ST6GALNAC3: variants seen among roughly 807,000 people sequenced by gnomAD.
ST6GALNAC3 encodes the protein alpha-N-acetylgalactosaminide alpha-2,6-sialyltransferase 3.
In ST6GALNAC3, 25 loss-of-function variants were observed where a neutral mutation model predicts 32.7. That is an observed-to-expected ratio of 0.76 (90% CI 0.56 to 1.07). The LOEUF is 1.07. Among genes scored for constraint, ST6GALNAC3 ranks in the 50% least tolerant of loss-of-function variants. The pLI is 0.00. For missense variants in ST6GALNAC3, 355 were observed against 382.4 expected (o/e 0.93, Z 0.60); for synonymous variants, 129 against 133.1 (o/e 0.97, Z 0.21).
intron 3 of ST6GALNAC3, among the ~76,000 whole-genome samples, chr1:76,525,522 G>A (rs1662809089): frequency 6.6e-6 from 1 of 151,558 alleles, no homozygotes; most frequent in Admixed American, 6.6e-5. Flanking sequence ...ATTATCTCAT[G>A]AGCCCATGAA....
intron 3 of ST6GALNAC3, among the ~76,000 whole-genome samples, chr1:76,564,490 A>C (rs922158561): frequency 7.9e-5 from 12 of 152,128 alleles, no homozygotes; most frequent in African/African-American, 1.2e-4. Context: ...TTCAATGCTA[A>C]ATTAGTGGTG....
At chr1:76,337,452 G>A (rs887111615) in intron 2 of ST6GALNAC3, among the ~76,000 whole-genome samples, 2 of 152,152 alleles carry the variant, frequency 1.3e-5, no homozygotes, top group African/African-American at 2.4e-5. Context: ...ACAAACTTCT[G>A]TGTGTGTGAG....
At chr1:76,112,402 G>T (rs951429838) in intron 1 of ST6GALNAC3, among the ~76,000 whole-genome samples, 2 of 145,952 alleles carry the variant, frequency 1.4e-5, no homozygotes, top group Non-Finnish European at 3.0e-5. Flanking sequence ...CGGACTGGGC[G>T]GCTGGCCGGG....
At chr1:76,500,608 G>A (rs6660107) in intron 3 of ST6GALNAC3, among the ~76,000 whole-genome samples, 12,313 of 152,176 alleles carry the variant, frequency 0.081, 895 homozygotes, top group African/African-American at 0.19. Context: ...TTTAATCAAT[G>A]TCACAGGTGA....
intron 3 of ST6GALNAC3, among the ~76,000 whole-genome samples, chr1:76,583,355 T>C (rs1436271077): frequency 2.0e-5 from 3 of 152,186 alleles, no homozygotes; most frequent in Non-Finnish European, 4.4e-5. Flanking sequence ...CCAGGAAGAA[T>C]ATTCCACTGG....
intron 2 of ST6GALNAC3, among the ~76,000 whole-genome samples, chr1:76,410,201 T>G (rs899725139): frequency 2.0e-5 from 3 of 152,178 alleles, no homozygotes; most frequent in African/African-American, 7.2e-5. Context: ...CCCTGCTATC[T>G]GTCTGGCCTC....
At position 76,430,345 on chromosome 1, in the gene ST6GALNAC3, T is replaced by C. The variant is rs370604740; in HGVS notation, c.623+17928T>C. ...ATGGTTCTTCATTGCCTTTAGTTTCTTTTATCTGGCATTCTTGTCCCTCAA... is the reference window on the plus strand; with the variant it reads ...ATGGTTCTTCATTGCCTTTAGTTTCCTTTATCTGGCATTCTTGTCCCTCAA... On this transcript the variant is annotated intron_variant, in intron 3 of 4. Transcript: ENST00000328299. 5.9e-5 allele frequency among the ~76,000 whole-genome samples: 9 copies of C among 152,334 alleles called. No homozygotes were observed. In the South Asian group the frequency reaches 8.3e-4, roughly 14 times the overall value.
chr1:76,394,531 T>C (rs61771516), intron 2 of ST6GALNAC3, among the ~76,000 whole-genome samples: 6,596 of 152,268 alleles, frequency 0.043, 205 homozygotes, highest in African/African-American at 0.081. Flanking sequence ...GGCCACTATA[T>C]GATAAATTTC....
chr1:76,131,704 C>T (rs1454220588), intron 1 of ST6GALNAC3, among the ~76,000 whole-genome samples: 1 of 152,176 alleles, frequency 6.6e-6, no homozygotes, highest in Non-Finnish European at 1.5e-5. Flanking sequence ...TTGTTTGATG[C>T]ACTCCTGCTT....
At position 76,237,797 on chromosome 1, in the gene ST6GALNAC3, A is replaced by G. The variant is rs191332339; in HGVS notation, c.19-76008A>G. Reference sequence around the variant, plus strand: ...AGTGTCATGTGGAAAGTTTTGTTAAACACCTATCATGTGCAAAAAATGAAT... The same window carrying G: ...AGTGTCATGTGGAAAGTTTTGTTAAGCACCTATCATGTGCAAAAAATGAAT... On this transcript the variant is annotated intron_variant, in intron 1 of 4. Transcript: ENST00000328299. Among the ~76,000 whole-genome samples, 135 of 152,320 alleles carry G rather than the reference A, an allele frequency of 8.9e-4. 1 individual carries two copies. Among genetic ancestry groups the G allele is most frequent in the Middle Eastern group, 6.8e-3 (2 of 294 alleles).
At chr1:76,343,162 G>A (rs577418730) in intron 2 of ST6GALNAC3, among the ~76,000 whole-genome samples, 11 of 152,174 alleles carry the variant, frequency 7.2e-5, no homozygotes, top group East Asian at 3.9e-4. Flanking sequence ...CCAATGTCTA[G>A]CAGAGTATTT....
intron 1 of ST6GALNAC3, among the ~76,000 whole-genome samples, chr1:76,282,001 G>A (rs139852821): frequency 1.2e-3 from 184 of 152,252 alleles, no homozygotes; most frequent in Admixed American, 1.9e-3. Flanking sequence ...AAATGGAGAA[G>A]GTGGGATGCA....
At chr1:76,083,169 A>G (rs368024216) in intron 1 of ST6GALNAC3, among the ~76,000 whole-genome samples, 42 of 152,242 alleles carry the variant, frequency 2.8e-4, no homozygotes, top group African/African-American at 9.2e-4. Context: ...TAAAATGTGT[A>G]TATTCTGGGT....
intron 3 of ST6GALNAC3, among the ~76,000 whole-genome samples, chr1:76,463,363 C>T (rs970638066): frequency 6.6e-6 from 1 of 152,146 alleles, no homozygotes; most frequent in Non-Finnish European, 1.5e-5. Context: ...CTGTGGAATG[C>T]ATTCATGTGC....
chr1:76,524,285 G>A (rs184432477), intron 3 of ST6GALNAC3, among the ~76,000 whole-genome samples: 3 of 152,242 alleles, frequency 2.0e-5, no homozygotes, highest in Admixed American at 2.0e-4. Flanking sequence ...AGTAATTTGA[G>A]AGGGAAGATA....
At chr1:76,614,718 C>CAAAAAA (rs55744575) in intron 3 of ST6GALNAC3, among the ~76,000 whole-genome samples, 2 of 67,522 alleles carry the variant, frequency 3.0e-5, no homozygotes, top group African/African-American at 1.4e-4. Flanking sequence ...GACTCCATCT[C>CAAAAAA]AAAAAAAAAA....
chr1:76,563,418 G>A (rs375122516), intron 3 of ST6GALNAC3, among the ~76,000 whole-genome samples: 4 of 152,242 alleles, frequency 2.6e-5, no homozygotes, highest in South Asian at 2.1e-4. Flanking sequence ...AAGAAGTCAC[G>A]CTCATTGCTT....
intron 3 of ST6GALNAC3, among the ~76,000 whole-genome samples, chr1:76,425,514 TGTCA>T (rs572538751): frequency 2.2e-4 from 34 of 152,024 alleles, no homozygotes; most frequent in African/African-American, 7.7e-4. Context: ...GCTAAGTAGG[TGTCA>T]GTCATTGTTC....
At chr1:76,448,069 G>A (rs1402717283) in intron 3 of ST6GALNAC3, among the ~76,000 whole-genome samples, 1 of 152,164 alleles carries the variant, frequency 6.6e-6, no homozygotes, top group Non-Finnish European at 1.5e-5. Flanking sequence ...GCCAGTGCAA[G>A]CAGAGAGGAG....
Sources: allele counts gnomAD v4.1 joint callset (sites outside exome capture counted in the v4.1 genomes callset), GRCh38; gene constraint gnomAD v4.1.1; transcripts MANE v1.5; gene names NCBI Gene and HGNC (gene_info 2026-07-23, HGNC 2026-07-21).